NEGR1: variants seen among roughly 807,000 people sequenced by gnomAD.
NEGR1 encodes the protein neuronal growth regulator 1.
NEGR1 carries 10 observed loss-of-function variants against 40.9 expected under a neutral mutation model. That is an observed-to-expected ratio of 0.24 (90% CI 0.15 to 0.42). The LOEUF (loss-of-function observed/expected upper bound fraction) is 0.42, where lower values mean the gene tolerates loss of function less well. NEGR1 is among the 10% of genes least tolerant of loss of function. The pLI is 1.00. For synonymous variants in NEGR1, 185 were observed against 166.8 expected, an observed-to-expected ratio of 1.11 and a Z score of -0.84; for missense variants, 352 against 438.9, an observed-to-expected ratio of 0.80 and a Z score of 1.77.
At chr1:71,470,872 A>G (rs959242641) in intron 6 of NEGR1, among the ~76,000 whole-genome samples, 1 of 152,084 alleles carries the variant, frequency 6.6e-6, no homozygotes, top group African/African-American at 2.4e-5. Flanking sequence ...CCCTCACGCT[A>G]CCACTACCAA....
chr1:71,441,365 G>C (rs1430115712), intron 6 of NEGR1, among the ~76,000 whole-genome samples: 1 of 152,116 alleles, frequency 6.6e-6, no homozygotes, highest in East Asian at 1.9e-4. Flanking sequence ...CTCCCACTGG[G>C]GGCAGTATGT....
At chr1:71,530,349 C>T (rs1569992046) in intron 6 of NEGR1, among the ~76,000 whole-genome samples, 1 of 151,268 alleles carries the variant, frequency 6.6e-6, no homozygotes, top group African/African-American at 2.4e-5. Context: ...CCTTTATGTT[C>T]TTTTGCTTAG....
chr1:71,739,228 A>AT (rs1557634090), intron 3 of NEGR1, among the ~76,000 whole-genome samples: 4 of 150,252 alleles, frequency 2.7e-5, no homozygotes, highest in South Asian at 2.1e-4. Context: ...CAAAAAAAAA[A>AT]AACGTGAAAA....
intron 6 of NEGR1, among the ~76,000 whole-genome samples, chr1:71,499,931 C>G (rs1646988796): frequency 6.6e-6 from 1 of 152,106 alleles, no homozygotes; most frequent in Admixed American, 6.6e-5. Flanking sequence ...TGAGTCTTTT[C>G]CAACTGCCAA....
chr1:71,681,941 C>T (rs192568648), intron 4 of NEGR1, among the ~76,000 whole-genome samples: 25 of 152,298 alleles, frequency 1.6e-4, no homozygotes, highest in African/African-American at 5.5e-4. Flanking sequence ...ATTCTCATGC[C>T]ACAGCCTCTC....
chr1:71,490,053 T>C (rs1457428087), intron 6 of NEGR1: 1 of 152,046 alleles, frequency 6.6e-6, no homozygotes, highest in Non-Finnish European at 1.5e-5. Flanking sequence ...ATAGTTTGAA[T>C]AGATGCATGC....
chr1:71,933,072 A>G (rs1487354247), intron 2 of NEGR1, among the ~76,000 whole-genome samples: 1 of 152,098 alleles, frequency 6.6e-6, no homozygotes, highest in Non-Finnish European at 1.5e-5. Context: ...TCAAAACAGT[A>G]ACATGGATTT....
At chr1:72,227,424 A>T (rs529415911) in intron 1 of NEGR1, among the ~76,000 whole-genome samples, 2 of 152,152 alleles carry the variant, frequency 1.3e-5, no homozygotes, top group East Asian at 3.9e-4. Context: ...ATGATCCATG[A>T]AGAAAAACTG....
At chr1:71,826,593 C>A (rs868555085) in intron 2 of NEGR1, among the ~76,000 whole-genome samples, 2 of 151,598 alleles carry the variant, frequency 1.3e-5, no homozygotes, top group Non-Finnish European at 2.9e-5. Context: ...ATATTATATG[C>A]GAGCCTATGG....
intron 2 of NEGR1, among the ~76,000 whole-genome samples, chr1:71,809,426 T>G (rs1284867683): frequency 6.6e-6 from 1 of 152,184 alleles, no homozygotes; most frequent in Non-Finnish European, 1.5e-5. Flanking sequence ...CCATAATCAT[T>G]TATTCACAAA....
chr1:72,075,256 T>A (rs1385102589), intron 1 of NEGR1, among the ~76,000 whole-genome samples: 1 of 152,158 alleles, frequency 6.6e-6, no homozygotes, highest in Non-Finnish European at 1.5e-5. Flanking sequence ...ATGGTACAGT[T>A]TTTACAATTT....
intron 6 of NEGR1, among the ~76,000 whole-genome samples, chr1:71,587,361 C>G (rs908897442): frequency 2.0e-5 from 3 of 152,122 alleles, no homozygotes; most frequent in Non-Finnish European, 2.9e-5. Context: ...GTAGACTCTT[C>G]CATTTCCTTT....
At chr1:71,799,248 T>C (rs1007507261) in intron 2 of NEGR1, among the ~76,000 whole-genome samples, 10 of 152,086 alleles carry the variant, frequency 6.6e-5, no homozygotes, top group Non-Finnish European at 1.3e-4. Flanking sequence ...CCTGTGTCCA[T>C]GTATTCTCAT....
At chr1:72,080,737 T>A (rs1395770112) in intron 1 of NEGR1, among the ~76,000 whole-genome samples, 3 of 152,052 alleles carry the variant, frequency 2.0e-5, no homozygotes, top group African/African-American at 7.2e-5. Flanking sequence ...AGAAACCACC[T>A]CATAGGGTTG....
intron 2 of NEGR1, among the ~76,000 whole-genome samples, chr1:71,916,997 T>C (rs536329388): frequency 2.2e-4 from 34 of 152,334 alleles, no homozygotes; most frequent in Admixed American, 5.9e-4. Context: ...CAGAGGTCAC[T>C]GTCACATTTT....
intron 1 of NEGR1, among the ~76,000 whole-genome samples, chr1:71,947,049 C>T (rs1223939409): frequency 6.7e-6 from 1 of 149,434 alleles, no homozygotes; most frequent in Non-Finnish European, 1.5e-5. Flanking sequence ...GATCACACCA[C>T]TGGACTCCAG....
intron 3 of NEGR1, among the ~76,000 whole-genome samples, chr1:71,752,851 T>C (rs1212645815): frequency 6.6e-6 from 1 of 152,206 alleles, no homozygotes; most frequent in African/African-American, 2.4e-5. Flanking sequence ...TATGTTATAC[T>C]AGCTCTCTAT....
intron 1 of NEGR1, among the ~76,000 whole-genome samples, chr1:72,108,703 A>C (rs2100262489): frequency 6.6e-6 from 1 of 151,746 alleles, no homozygotes; most frequent in African/African-American, 2.4e-5. Flanking sequence ...GACCTTAGGA[A>C]TCAGATATCT....
rs1011318999 is a variant in NEGR1 at position 71,692,485 on chromosome 1, C to T, written c.667+5523G>A. ...TTTGCCCTACTCAAACTTTGAACACCGAGATTTTCCCTTTATTCAAGGTGA... is the reference window on the plus strand; with the variant it reads ...TTTGCCCTACTCAAACTTTGAACACTGAGATTTTCCCTTTATTCAAGGTGA... On this transcript the variant is annotated intron_variant, in intron 4 of 6. Coordinates refer to ENST00000357731, the MANE Select transcript of NEGR1 (RefSeq NM_173808.3). Among the ~76,000 whole-genome samples, 4 of 151,554 alleles carry T rather than the reference C, an allele frequency of 2.6e-5. No homozygotes were observed. In the East Asian group the frequency reaches 7.7e-4, roughly 29 times the overall value.
Sources: gnomAD v4.1 joint callset for allele counts (sites outside exome capture counted in the v4.1 genomes callset) on GRCh38, gnomAD v4.1.1 for gene constraint, MANE v1.5 for transcripts, NCBI Gene and HGNC (gene_info 2026-07-23, HGNC 2026-07-21) for gene names.